Variants in PCDH9 observed in about 807,000 individuals in gnomAD.
The protein encoded by PCDH9 is protocadherin 9, also known as protocadherin-9.
Under a neutral mutation model 70.6 loss-of-function variants are expected in PCDH9, and 24 were observed. That is an observed-to-expected ratio of 0.34 (90% confidence interval 0.25 to 0.48). The LOEUF (loss-of-function observed/expected upper bound fraction) is 0.48, where lower values mean the gene tolerates loss of function less well. PCDH9 is among the 20% of genes least tolerant of loss of function. The pLI is 0.99. For missense variants in PCDH9, 1,281 were observed against 1,503.6 expected, an observed-to-expected ratio of 0.85 and a Z score of 2.45; for synonymous variants, 562 against 558.5, an observed-to-expected ratio of 1.01 and a Z score of -0.09.
chr13:66,421,358 C>T (rs184132186), intron 4 of PCDH9, among the ~76,000 whole-genome samples: 6 of 152,026 alleles, frequency 3.9e-5, no homozygotes, highest in African/African-American at 9.7e-5. Context: ...GAAGAGCAAC[C>T]GCAAGACACA....
intron 3 of PCDH9, among the ~76,000 whole-genome samples, chr13:66,866,357 C>T (rs1170665403): frequency 6.6e-6 from 1 of 152,090 alleles, no homozygotes; most frequent in African/African-American, 2.4e-5. Flanking sequence ...TGGCGGGCGC[C>T]TGTAGTCCCA....
At chr13:66,896,534 T>A (rs1046841464) in intron 3 of PCDH9, among the ~76,000 whole-genome samples, 6 of 152,116 alleles carry the variant, frequency 3.9e-5, no homozygotes, top group Admixed American at 2.6e-4. Flanking sequence ...TTTACATAAT[T>A]ATAAAATTGT....
At chr13:67,080,983 G>T (rs1041807517) in intron 2 of PCDH9, among the ~76,000 whole-genome samples, 1 of 152,108 alleles carries the variant, frequency 6.6e-6, no homozygotes, top group Non-Finnish European at 1.5e-5. Context: ...GCAACTTTTG[G>T]ATTAGCAAAC....
intron 2 of PCDH9, among the ~76,000 whole-genome samples, chr13:66,970,885 C>G (rs557596008): frequency 3.3e-5 from 5 of 151,940 alleles, no homozygotes; most frequent in African/African-American, 1.2e-4. Flanking sequence ...TAACCTATAT[C>G]GAATTCTTAT....
chr13:66,683,982 G>A (rs1239607567), intron 3 of PCDH9, among the ~76,000 whole-genome samples: 1 of 152,098 alleles, frequency 6.6e-6, no homozygotes, highest in African/African-American at 2.4e-5. Context: ...TCAAGATTCT[G>A]TGCCTTATTG....
At chr13:66,857,458 T>C (rs1010368323) in intron 3 of PCDH9, among the ~76,000 whole-genome samples, 5 of 152,044 alleles carry the variant, frequency 3.3e-5, no homozygotes, top group African/African-American at 1.2e-4. Context: ...AAAAAGAATC[T>C]GAAGAAACAA....
At chr13:66,377,333 T>G (rs960155903) in intron 4 of PCDH9, among the ~76,000 whole-genome samples, 12 of 152,138 alleles carry the variant, frequency 7.9e-5, no homozygotes, top group Admixed American at 7.9e-4. Flanking sequence ...AGTTTCTGAT[T>G]CAGGAGGTCT....
chr13:67,226,061 T>C lies in PCDH9; in HGVS notation c.2380A>G (p.Thr794Ala). 1 of 1,613,990 alleles carries C rather than the reference T, an allele frequency of 6.2e-7. No homozygotes were observed. The highest frequency in any genetic ancestry group is 1.1e-5 in the South Asian group (1 of 91,064). Residue 794 changes from threonine to alanine, a missense_variant, in exon 2 of 5, where the codon ACC becomes GCC. By Grantham distance (58) the Thr-to-Ala change is moderately conservative. Coordinates refer to ENST00000377865, the MANE Select transcript of PCDH9 (RefSeq NM_203487.3). This position sits in a 1 kb window ranked among gnomAD's most constrained non-coding sequence, Gnocchi z 5.0. The part of the protein sequence containing the change: ...IYDLIRRTME[T>A]PLDRNIGDSS... ...TCCCCTATGTTCCTGTCCAACGGGGTCTCCATAGTCCTGCGGATCAAGTCA... is the reference window on the plus strand; with the variant it reads ...TCCCCTATGTTCCTGTCCAACGGGGCCTCCATAGTCCTGCGGATCAAGTCA...
chr13:67,037,276 G>A (rs998054878), intron 2 of PCDH9, among the ~76,000 whole-genome samples: 16 of 152,258 alleles, frequency 1.1e-4, no homozygotes, highest in African/African-American at 3.8e-4. Context: ...AAATCATGCA[G>A]TTATGTTACT....
At chr13:66,397,077 A>G (rs1957112891) in intron 4 of PCDH9, among the ~76,000 whole-genome samples, 1 of 152,168 alleles carries the variant, frequency 6.6e-6, no homozygotes, top group African/African-American at 2.4e-5. Flanking sequence ...AAATATATTC[A>G]AGGAGTGTTC....
intron 3 of PCDH9, among the ~76,000 whole-genome samples, chr13:66,875,581 T>G (rs2081792512): frequency 6.6e-6 from 1 of 152,174 alleles, no homozygotes; most frequent in Non-Finnish European, 1.5e-5. Flanking sequence ...CCAATGTCTA[T>G]TTCAGTGAAA....
At chr13:66,567,057 T>TA (rs569070548) in intron 4 of PCDH9, among the ~76,000 whole-genome samples, 56 of 150,126 alleles carry the variant, frequency 3.7e-4, no homozygotes, top group East Asian at 5.9e-4. Flanking sequence ...TTCTTATGTT[T>TA]AAAAAAAAAA....
chr13:66,503,857 T>C (rs929930160), intron 4 of PCDH9, among the ~76,000 whole-genome samples: 88 of 152,192 alleles, frequency 5.8e-4, no homozygotes, highest in African/African-American at 2.0e-3. Context: ...GGGCCCCTGT[T>C]TCATGAATAT....
intron 3 of PCDH9, among the ~76,000 whole-genome samples, chr13:66,850,225 G>T (rs1252018493): frequency 6.6e-6 from 1 of 152,194 alleles, no homozygotes; most frequent in Non-Finnish European, 1.5e-5. Context: ...CTATCAGAAA[G>T]TAAGTTCAAT....
At chr13:66,557,000 G>A (rs539761504) in intron 4 of PCDH9, among the ~76,000 whole-genome samples, 17 of 152,262 alleles carry the variant, frequency 1.1e-4, no homozygotes, top group African/African-American at 3.4e-4. Context: ...TGGCTGATGT[G>A]AGAGCTAAGC....
At chr13:66,928,957 A>G (rs9529157) in intron 2 of PCDH9, among the ~76,000 whole-genome samples, 33,806 of 151,956 alleles carry the variant, frequency 0.22, 3,847 homozygotes, top group Middle Eastern at 0.26. Context: ...TTATTTAAAA[A>G]ATCTCTTGAC....
chr13:66,701,388 T>C (rs2078646033), intron 3 of PCDH9, among the ~76,000 whole-genome samples: 1 of 152,136 alleles, frequency 6.6e-6, no homozygotes, highest in African/African-American at 2.4e-5. Context: ...TAAATATATA[T>C]ATACATATAT....
chr13:66,345,800 C>T (rs893551102), intron 4 of PCDH9, among the ~76,000 whole-genome samples: 4 of 152,078 alleles, frequency 2.6e-5, no homozygotes, highest in Non-Finnish European at 5.9e-5. Context: ...AATCTAAAAA[C>T]AATTGTCATG....
At chr13:66,919,061 C>A (rs2082600339) in intron 2 of PCDH9, among the ~76,000 whole-genome samples, 2 of 151,214 alleles carry the variant, frequency 1.3e-5, no homozygotes, top group Non-Finnish European at 3.0e-5. Flanking sequence ...TTTACTGTTC[C>A]TTTCCTGTTG....
Sources: gnomAD v4.1 joint callset for allele counts (sites outside exome capture counted in the v4.1 genomes callset) on GRCh38, gnomAD v4.1.1 for gene constraint, Gnocchi (gnomAD v3.1) non-coding constraint, MANE v1.5 for transcripts, NCBI Gene and HGNC (gene_info 2026-07-23, HGNC 2026-07-21) for gene names.